BCKDHB: variants seen among roughly 807,000 people sequenced by gnomAD.
The protein encoded by BCKDHB is branched chain keto acid dehydrogenase E1 subunit beta.
In BCKDHB, 41 loss-of-function variants were observed where a neutral mutation model predicts 48.5. That is an observed-to-expected ratio of 0.85 (90% confidence interval 0.66 to 1.10). The LOEUF is 1.10. Among genes scored for constraint, BCKDHB ranks in the 50% least tolerant of loss-of-function variants. The pLI is 0.00. For missense variants in BCKDHB, 496 were observed against 494.2 expected, an observed-to-expected ratio of 1.00 and a Z score of -0.03; for synonymous variants, 201 against 174.8, an observed-to-expected ratio of 1.15 and a Z score of -1.18.
chr6:80,304,165 T>G (rs1332218067), intron 9 of BCKDHB, among the ~76,000 whole-genome samples: 1 of 152,122 alleles, frequency 6.6e-6, no homozygotes, highest in African/African-American at 2.4e-5. Context: ...AGTAGACATG[T>G]GAGCAATACT....
the BCKDHB span, among the ~76,000 whole-genome samples, chr6:80,412,237 G>T: frequency 1.9e-4 from 28 of 149,056 alleles, no homozygotes; most frequent in African/African-American, 6.4e-4. Context: ...TCTGCCTCTT[G>T]GGTTCAAGTG....
chr6:80,338,512 C>G (rs1416695296), intron 9 of BCKDHB, among the ~76,000 whole-genome samples: 2 of 152,172 alleles, frequency 1.3e-5, no homozygotes, highest in Non-Finnish European at 2.9e-5. Context: ...CTCTCCACCC[C>G]TCTTCCTCAT....
intron 9 of BCKDHB, among the ~76,000 whole-genome samples, chr6:80,279,885 T>C (rs57214328): frequency 0.014 from 2,207 of 152,272 alleles, 45 homozygotes; most frequent in East Asian, 0.052. Context: ...CAGAGAACTA[T>C]AGGATTATAA....
intron 9 of BCKDHB, among the ~76,000 whole-genome samples, chr6:80,295,123 T>A (rs937234327): frequency 6.6e-6 from 1 of 152,220 alleles, no homozygotes; most frequent in Non-Finnish European, 1.5e-5. Flanking sequence ...TGTCTCTCTT[T>A]ATTTCTCAGC....
the BCKDHB span, among the ~76,000 whole-genome samples, chr6:80,380,623 CAT>C: frequency 2.6e-5 from 4 of 151,708 alleles, no homozygotes; most frequent in Admixed American, 2.6e-4. Context: ...CAGCAAGAGA[CAT>C]AATCAACAGA....
the BCKDHB span, among the ~76,000 whole-genome samples, chr6:80,432,915 C>G: frequency 3.3e-5 from 5 of 152,282 alleles, no homozygotes; most frequent in East Asian, 7.7e-4. Context: ...TAACAGTTAG[C>G]CCCTCTGCTG....
At chr6:80,128,150 A>G (rs1770438782) in intron 2 of BCKDHB, among the ~76,000 whole-genome samples, 2 of 151,850 alleles carry the variant, frequency 1.3e-5, no homozygotes, top group African/African-American at 2.4e-5. Flanking sequence ...TCATATATGT[A>G]TATACATATA....
chr6:80,210,650 G>A (rs576252667), intron 8 of BCKDHB, among the ~76,000 whole-genome samples: 1 of 152,090 alleles, frequency 6.6e-6, no homozygotes, highest in South Asian at 2.1e-4. Flanking sequence ...TCACATTGTA[G>A]TGAGCCCTTT....
chr6:80,282,854 ATGACATGGTTATTC>A (rs1339029669), intron 9 of BCKDHB, among the ~76,000 whole-genome samples: 1 of 152,140 alleles, frequency 6.6e-6, no homozygotes, highest in East Asian at 1.9e-4. Flanking sequence ...TTTCTCTCAC[ATGACATGGTTATTC>A]TTTTAAATCT....
chr6:80,124,019 TGTG>T (rs1189871527), intron 1 of BCKDHB, among the ~76,000 whole-genome samples: 1 of 152,230 alleles, frequency 6.6e-6, no homozygotes, highest in East Asian at 1.9e-4. Context: ...TGTTTTCTCT[TGTG>T]GGCATTTAGA....
In BCKDHB at chr6:80,309,557, A is replaced by G. The variant is rs540042311; in HGVS notation, c.1039-34107A>G. ...TTGTTATTTTAACAAAAGAGTAAGT[A>G]TTCATGTATTTTGGCCTGTGGTTTT... On this transcript the variant is annotated intron_variant, in intron 9 of 9. Coordinates refer to ENST00000320393, the MANE Select transcript of BCKDHB (RefSeq NM_183050.4). Among the ~76,000 whole-genome samples the G allele has an allele frequency of 3.3e-5, 5 of 151,902 alleles. No homozygotes were observed. The South Asian group carries it at 1.0e-3, about 32-fold the overall frequency.
At chr6:80,395,795 A>G in the BCKDHB span, among the ~76,000 whole-genome samples, 1 of 152,150 alleles carries the variant, frequency 6.6e-6, no homozygotes, top group Non-Finnish European at 1.5e-5. Flanking sequence ...AAATGGTTTC[A>G]TGGGCCAGGC....
chr6:80,191,161 G>A (rs1773874747), intron 6 of BCKDHB, among the ~76,000 whole-genome samples: 1 of 152,110 alleles, frequency 6.6e-6, no homozygotes, highest in Non-Finnish European at 1.5e-5. Flanking sequence ...AATTTTTCTG[G>A]AGAGGTTGCC....
intron 3 of BCKDHB, among the ~76,000 whole-genome samples, chr6:80,131,163 G>A (rs905233201): frequency 7.2e-5 from 11 of 152,086 alleles, no homozygotes; most frequent in Non-Finnish European, 1.2e-4. Context: ...TCATACACTG[G>A]TGACTCCTGA....
chr6:80,213,585 T>G (rs1228334979), intron 8 of BCKDHB, among the ~76,000 whole-genome samples: 5 of 152,128 alleles, frequency 3.3e-5, no homozygotes, highest in African/African-American at 1.2e-4. Flanking sequence ...TACAAGATAC[T>G]GTCTCCCAGT....
chr6:80,186,786 C>T (rs1476682044), intron 6 of BCKDHB, among the ~76,000 whole-genome samples: 3 of 152,196 alleles, frequency 2.0e-5, no homozygotes, highest in Non-Finnish European at 2.9e-5. Context: ...GCCTACAGGG[C>T]GCTTCCCGCT....
At chr6:80,109,131 G>T (rs1374938126) in intron 1 of BCKDHB, among the ~76,000 whole-genome samples, 1 of 152,246 alleles carries the variant, frequency 6.6e-6, no homozygotes, top group East Asian at 1.9e-4. Context: ...GAATCAGATT[G>T]TCCTAAGTTT....
intron 3 of BCKDHB, among the ~76,000 whole-genome samples, chr6:80,158,017 G>A (rs777614105): frequency 6.6e-6 from 1 of 152,080 alleles, no homozygotes; most frequent in African/African-American, 2.4e-5. Context: ...TCATTCAAAC[G>A]ATATTACTGA....
intron 8 of BCKDHB, among the ~76,000 whole-genome samples, chr6:80,203,672 A>C (rs997532798): frequency 6.6e-6 from 1 of 152,106 alleles, no homozygotes; most frequent in Non-Finnish European, 1.5e-5. Flanking sequence ...TATAGTCTTA[A>C]TACTGTGGAT....
Sources: gnomAD v4.1 joint callset for allele counts (sites outside exome capture counted in the v4.1 genomes callset) on GRCh38, gnomAD v4.1.1 for gene constraint, MANE v1.5 for transcripts, NCBI Gene and HGNC (gene_info 2026-07-23, HGNC 2026-07-21) for gene names.